Variants in MICAL2 observed in about 807,000 individuals in gnomAD.
MICAL2 encodes microtubule associated monooxygenase, calponin and LIM domain containing 2, also known as [F-actin]-monooxygenase MICAL2.
A neutral mutation model predicts 127.3 loss-of-function variants in MICAL2; 77 were observed. The ratio of observed to expected loss-of-function variants is 0.60; its 90% confidence interval spans 0.50 to 0.73. The LOEUF (loss-of-function observed/expected upper bound fraction) is 0.73, where lower values mean the gene tolerates loss of function less well. Ranked by LOEUF, MICAL2 falls within the 30% of genes least tolerant of loss-of-function variation. MICAL2 has a pLI of 0.00. For missense variants in MICAL2, 1,351 were observed against 1,434.4 expected (o/e 0.94, Z 0.94); for synonymous variants, 570 against 551.1 (o/e 1.03, Z -0.48).
chr11:12,216,186 T>A, intron 7 of MICAL2, 33 bp from the exon 8 acceptor site: 1 of 1,514,944 alleles, frequency 6.6e-7, no homozygotes, highest in Non-Finnish European at 9.2e-7. Flanking sequence ...GCCGAGGAAG[T>A]AACACTGAGC....
chr11:12,130,611 G>C (rs1851334030), intron 1 of MICAL2, among the ~76,000 whole-genome samples: 1 of 152,218 alleles, frequency 6.6e-6, no homozygotes, highest in Admixed American at 6.5e-5. Flanking sequence ...CAGCAGGCAT[G>C]AGGAATACAA....
intron 16 of MICAL2, among the ~76,000 whole-genome samples, chr11:12,239,021 T>C (rs982561183): frequency 2.0e-5 from 3 of 152,196 alleles, no homozygotes; most frequent in Non-Finnish European, 4.4e-5. Flanking sequence ...CCTGCTCTTC[T>C]CCTCTTCTCA....
chr11:12,332,720 C>A lies in MICAL2; in HGVS notation c.5515+5454C>A, dbSNP rs559596927. Among the ~76,000 whole-genome samples the A allele has an allele frequency of 6.5e-4, 99 of 152,094 alleles. 1 individual carries two copies. Among genetic ancestry groups the A allele is most frequent in the Non-Finnish European group, 1.1e-3 (75 of 68,022 alleles). ...AGTGAGTTGTCCCATAGCTAGGGAG[C>A]CCCAGGAAAAGGACTCAGCAGCTTT... is the stretch of plus-strand genomic sequence containing the variant. On this transcript the variant is annotated intron_variant, in intron 32 of 34. Coordinates refer to the MICAL2 transcript ENST00000646065.
At chr11:12,210,428 G>A (rs769336906) in intron 6 of MICAL2, among the ~76,000 whole-genome samples, 5 of 152,208 alleles carry the variant, frequency 3.3e-5, no homozygotes, top group Admixed American at 6.5e-5. Flanking sequence ...GAGAGGATAC[G>A]TCACTCTGAG....
At chr11:12,284,610 A>G (rs756524253) in intron 2 of MICAL2, among the ~76,000 whole-genome samples, 19 of 152,010 alleles carry the variant, frequency 1.2e-4, no homozygotes, top group Non-Finnish European at 2.4e-4. Context: ...TTAGAGCTTT[A>G]TGCAATTTTT....
At chr11:12,230,505 C>G (rs1449207958) in intron 15 of MICAL2, among the ~76,000 whole-genome samples, 1 of 152,178 alleles carries the variant, frequency 6.6e-6, no homozygotes, top group Non-Finnish European at 1.5e-5. Context: ...TCTGTACATA[C>G]AGGTGCATCC....
chr11:12,289,547 G>C (rs1331859785), downstream of MICAL2, among the ~76,000 whole-genome samples: 2 of 145,052 alleles, frequency 1.4e-5, no homozygotes, highest in African/African-American at 2.5e-5. Context: ...GTGCCACTGG[G>C]CACCTCTTGT....
intron 29 of MICAL2, among the ~76,000 whole-genome samples, chr11:12,310,214 C>T (rs1393844510): frequency 2.6e-5 from 4 of 152,076 alleles, no homozygotes; most frequent in Non-Finnish European, 4.4e-5. Flanking sequence ...CTTTTGTTAG[C>T]TGTGCTTTTG....
At chr11:12,360,370 C>A (rs542881765), downstream of MICAL2, among the ~76,000 whole-genome samples, 5 of 152,180 alleles carry the variant, frequency 3.3e-5, no homozygotes, top group African/African-American at 1.2e-4. Flanking sequence ...ATACAAATAA[C>A]CCAGATGTTT....
chr11:12,244,174 C>A, intron 21 of MICAL2, 62 bp downstream of exon 21: 1 of 1,591,064 alleles, frequency 6.3e-7, no homozygotes, highest in Non-Finnish European at 8.6e-7. Flanking sequence ...TTCTCATGCT[C>A]CACTTGACCT....
At position 12,255,753 on chromosome 11, in the gene MICAL2, A is replaced by G; in HGVS notation, c.2955+3A>G. On this transcript the variant is annotated splice_donor_region_variant and intron_variant, in intron 23 of 27. Coordinates refer to ENST00000683283, the MANE Select transcript of MICAL2 (RefSeq NM_001282663.2). Reference sequence around the variant, plus strand: ...CCCAGGCCACCTCTCCAGACCTGGTAAGGACATGCACCCCCAGCCTTCACC... The same window carrying G: ...CCCAGGCCACCTCTCCAGACCTGGTGAGGACATGCACCCCCAGCCTTCACC... 5 of 1,609,126 alleles carry G rather than the reference A, an allele frequency of 3.1e-6. No homozygotes were observed. Among genetic ancestry groups the G allele is most frequent in the Non-Finnish European group, 4.2e-6 (5 of 1,176,726 alleles).
At chr11:12,222,495 AG>A (rs1475163723) in intron 10 of MICAL2, 121 bp from the exon 11 acceptor site, 5 of 1,294,948 alleles carry the variant, frequency 3.9e-6, no homozygotes, top group African/African-American at 1.5e-5. Context: ...ATTTCAGGGA[AG>A]GGTTAGACAA....
chr11:12,172,952 G>A (rs1224172160), intron 3 of MICAL2, among the ~76,000 whole-genome samples: 1 of 151,992 alleles, frequency 6.6e-6, no homozygotes, highest in Non-Finnish European at 1.5e-5. Context: ...CATATATCCC[G>A]ATACAAATAT....
intron 31 of MICAL2, among the ~76,000 whole-genome samples, chr11:12,325,561 AC>A (rs1864345300): frequency 6.6e-6 from 1 of 152,154 alleles, no homozygotes; most frequent in South Asian, 2.1e-4. Context: ...CAGGTTTGGC[AC>A]CTGGTGAGGC....
chr11:12,162,152 A>G lies in MICAL2; in HGVS notation c.-4A>G, dbSNP rs780593877. On this transcript the variant is annotated 5_prime_UTR_variant, in exon 3 of 28. Coordinates refer to ENST00000683283, the MANE Select transcript of MICAL2 (RefSeq NM_001282663.2). ...GCACCACTGCCGCACACGACTCCTG[A>G]ACCATGGGGGAAAACGAGGATGAGA... is the stretch of plus-strand genomic sequence containing the variant. 5 of 1,614,110 alleles carry G rather than the reference A, an allele frequency of 3.1e-6. No homozygotes were observed. Among genetic ancestry groups the G allele is most frequent in the Non-Finnish European group, 3.4e-6 (4 of 1,180,026 alleles).
At chr11:12,217,167 T>C (rs1345752246) in intron 8 of MICAL2, among the ~76,000 whole-genome samples, 2 of 152,228 alleles carry the variant, frequency 1.3e-5, no homozygotes, top group African/African-American at 4.8e-5. Flanking sequence ...CTGCTGCTGC[T>C]GCAACCTCAA....
intron 1 of MICAL2, among the ~76,000 whole-genome samples, chr11:12,277,984 G>T (rs1411291992): frequency 6.6e-6 from 1 of 152,110 alleles, no homozygotes; most frequent in Non-Finnish European, 1.5e-5. Context: ...CATAGAAAAG[G>T]TACAGTAAAA....
downstream of MICAL2, among the ~76,000 whole-genome samples, chr11:12,288,039 T>G (rs576437399): frequency 6.6e-6 from 1 of 152,066 alleles, no homozygotes; most frequent in African/African-American, 2.4e-5. Context: ...GAGTCAAGGC[T>G]CCCAGCCAGT....
intron 2 of MICAL2, among the ~76,000 whole-genome samples, chr11:12,158,889 T>C (rs1854476594): frequency 6.6e-6 from 1 of 152,246 alleles, no homozygotes; most frequent in Non-Finnish European, 1.5e-5. Context: ...ACCCTGACTC[T>C]AAATATTCTG....
Sources: gnomAD v4.1 joint callset for allele counts (sites outside exome capture counted in the v4.1 genomes callset) on GRCh38, gnomAD v4.1.1 for gene constraint, MANE v1.5 for transcripts, NCBI Gene and HGNC (gene_info 2026-07-23, HGNC 2026-07-21) for gene names.